The following ZFHX3 variants were observed in gnomAD, a reference collection of about 807,000 sequenced individuals.
ZFHX3 encodes the protein zinc finger homeobox protein 3.
A neutral mutation model predicts 279.1 loss-of-function variants in ZFHX3; 42 were observed. The observed-to-expected ratio is 0.15, with a 90% CI of 0.12 to 0.19. The LOEUF (loss-of-function observed/expected upper bound fraction) is 0.19, where lower values mean the gene tolerates loss of function less well. Among genes scored for constraint, ZFHX3 ranks in the 10% least tolerant of loss-of-function variants. The pLI is 1.00. For missense variants in ZFHX3, 4,981 were observed against 4,754.0 expected, an observed-to-expected ratio of 1.05 and a Z score of -1.40; for synonymous variants, 2,293 against 1,957.8, an observed-to-expected ratio of 1.17 and a Z score of -4.52.
chr16:73,760,984 A>G (rs956483720), intron 1 of ZFHX3, among the ~76,000 whole-genome samples: 6 of 116,084 alleles, frequency 5.2e-5, no homozygotes, highest in African/African-American at 2.1e-4. Context: ...CAGGGCAATC[A>G]GGCAAGAAAA....
intron 1 of ZFHX3, among the ~76,000 whole-genome samples, chr16:73,769,902 A>C (rs1393397445): frequency 2.0e-5 from 3 of 152,214 alleles, no homozygotes; most frequent in African/African-American, 7.2e-5. Context: ...CTACAGCTCC[A>C]AAGGAAAAGA....
At chr16:72,805,635 G>A (rs1294496571) in intron 7 of ZFHX3, among the ~76,000 whole-genome samples, 1 of 152,152 alleles carries the variant, frequency 6.6e-6, no homozygotes, top group African/African-American at 2.4e-5. Flanking sequence ...CTAGCTAGTT[G>A]GTATATCTAA....
intron 1 of ZFHX3, among the ~76,000 whole-genome samples, chr16:73,685,158 T>G (rs2127739): frequency 0.95 from 144,802 of 151,906 alleles, 69,130 homozygotes; most frequent in East Asian, 1. Context: ...GGGACTACAG[T>G]TGCATGCCAC....
intron 2 of ZFHX3, among the ~76,000 whole-genome samples, chr16:73,671,207 G>C (rs952991095): frequency 2.0e-5 from 3 of 152,364 alleles, no homozygotes; most frequent in South Asian, 2.1e-4. Context: ...CAGCACAGCA[G>C]CGTGTTATTG....
intron 1 of ZFHX3, among the ~76,000 whole-genome samples, chr16:73,738,169 T>C (rs144950457): frequency 1.3e-5 from 2 of 152,366 alleles, no homozygotes; most frequent in African/African-American, 4.8e-5. Context: ...GGGGACCTGT[T>C]GGGCAGTTCA....
At chr16:73,213,746 C>G (rs904801178) in intron 5 of ZFHX3, among the ~76,000 whole-genome samples, 1 of 152,118 alleles carries the variant, frequency 6.6e-6, no homozygotes, top group Non-Finnish European at 1.5e-5. Flanking sequence ...TTCTCCTAGT[C>G]TTGAGGTTTT....
At chr16:72,982,978 G>A (rs982040283) in intron 1 of ZFHX3, among the ~76,000 whole-genome samples, 1 of 152,208 alleles carries the variant, frequency 6.6e-6, no homozygotes, top group African/African-American at 2.4e-5. Context: ...GTAACGTAAA[G>A]GGTGATTTGG....
intron 4 of ZFHX3, among the ~76,000 whole-genome samples, chr16:73,278,058 A>G (rs927441978): frequency 6.6e-6 from 1 of 152,196 alleles, no homozygotes; most frequent in Non-Finnish European, 1.5e-5. Flanking sequence ...ACAATTTGAC[A>G]TGAAATTCAG....
At chr16:73,362,942 T>G (rs1194875242) in intron 3 of ZFHX3, among the ~76,000 whole-genome samples, 12 of 152,270 alleles carry the variant, frequency 7.9e-5, no homozygotes, top group Admixed American at 7.8e-4. Context: ...AAAACATTTT[T>G]GGTAAAGGTG....
intron 3 of ZFHX3, among the ~76,000 whole-genome samples, chr16:72,927,904 T>C (rs1015981037): frequency 3.3e-5 from 5 of 151,320 alleles, no homozygotes; most frequent in East Asian, 2.0e-4. Context: ...TGACAATTTA[T>C]AGAGTCAATC....
chr16:73,580,507 AC>A (rs1192459198), intron 2 of ZFHX3, among the ~76,000 whole-genome samples: 2 of 146,736 alleles, frequency 1.4e-5, no homozygotes, highest in African/African-American at 5.4e-5. Context: ...AAACAAACAA[AC>A]AAAAAAAAAA....
rs766237098 is a variant in ZFHX3, at chr16:73,756,037, T to C, written c.-1607-75797A>G. The stretch of plus-strand genomic sequence containing the variant: ...CGGCAACTAAAATTAGATTGGCTTC[T>C]ATTCCAAGCCCAGGGTTCCTCCATG... On this transcript the variant is annotated intron_variant, in intron 1 of 17. Coordinates refer to the ZFHX3 transcript ENST00000641206. Among the ~76,000 whole-genome samples, 61 of 152,206 alleles carry C rather than the reference T, an allele frequency of 4.0e-4. 1 individual carries two copies. The highest frequency in any genetic ancestry group is 5.6e-4 in the Non-Finnish European group (38 of 68,044).
At position 73,539,433 on chromosome 16, in the gene ZFHX3, C is replaced by CTTTTTTTTTTTTTTTTTTTTTTTTTT. The variant is rs1162434013; in HGVS notation, c.-1546-83201_-1546-83176dup. Reference sequence around the variant, plus strand: ...TAAATTTTTTTCCCTTCCTCTTCTTCTTTTTTTTTTTTTTTTTTTTTTTTT... The same window carrying CTTTTTTTTTTTTTTTTTTTTTTTTTT: ...TAAATTTTTTTCCCTTCCTCTTCTTCTTTTTTTTTTTTTTTTTTTTTTTTTTTTTTTTTTTTTTTTTTTTTTTTTTT... On this transcript the variant is annotated intron_variant, in intron 2 of 17. Transcript: ENST00000641206. Among the ~76,000 whole-genome samples the CTTTTTTTTTTTTTTTTTTTTTTTTTT allele has an allele frequency of 3.1e-5, 2 of 65,086 alleles. 1 individual carries two copies. The highest frequency in any genetic ancestry group is 5.8e-5 in the Non-Finnish European group (2 of 34,752). 42.7% of individuals were successfully genotyped at this position (65,086 alleles called of 152,430 possible). A position where few individuals can be genotyped will look rare whatever the true frequency, so the allele number is the denominator to read the frequency against.
intron 3 of ZFHX3, among the ~76,000 whole-genome samples, chr16:72,900,317 C>T (rs1463449612): frequency 6.6e-6 from 1 of 152,110 alleles, no homozygotes; most frequent in South Asian, 2.1e-4. Flanking sequence ...TTCTCCAAAT[C>T]CACTCAAGAA....
intron 1 of ZFHX3, among the ~76,000 whole-genome samples, chr16:73,032,393 T>C (rs1459772066): frequency 6.6e-6 from 1 of 152,154 alleles, no homozygotes; most frequent in African/African-American, 2.4e-5. Flanking sequence ...AAGGCATCCA[T>C]TCCTAACTAC....
rs550372753 is a variant in ZFHX3 at position 73,426,192 on chromosome 16, A to G, written c.-1291+29811T>C. Among the ~76,000 whole-genome samples the G allele has an allele frequency of 2.6e-5, 4 of 152,240 alleles. No homozygotes were observed. The South Asian group carries it at 8.3e-4, about 32-fold the overall frequency. On this transcript the variant is annotated intron_variant, in intron 3 of 17. Transcript: ENST00000641206. ...GACAAATGGGCTCTCTGTGCCTGTG[A>G]CCTGGTGGGGCCAATTAATCACTGG...
Position 72,787,618 on chromosome 16 carries a change from T to C in ZFHX3, c.10658A>G (p.His3553Arg), listed in dbSNP as rs2035462554. Residue 3553 changes from histidine to arginine, a missense_variant, in exon 10 of 10, where the codon CAC (histidine) becomes CGC (arginine). His to Arg is a conservative substitution (Grantham distance 29, BLOSUM62 0). This residue lies in a region of ZFHX3 where 1,034 missense variants were observed against 786.0 expected (regional missense o/e 1.32). Transcript: ENST00000268489. ...ALSQHLESALHKHRTITRAAR... is the reference protein window; with the variant it reads ...ALSQHLESALRKHRTITRAAR... ...TGCTCTCGTGATTGTTCTGTGTTTGTGCAAGGCCGACTCGAGATGTTGACT... is the reference window on the plus strand; with the variant it reads ...TGCTCTCGTGATTGTTCTGTGTTTGCGCAAGGCCGACTCGAGATGTTGACT... The C allele has an allele frequency of 6.2e-7, 1 of 1,613,490 alleles. No individual in the cohort carries two copies. Among genetic ancestry groups the C allele is most frequent in the Non-Finnish European group, 8.5e-7 (1 of 1,179,720 alleles).
chr16:73,552,866 C>T (rs761558418), intron 2 of ZFHX3, among the ~76,000 whole-genome samples: 4 of 152,186 alleles, frequency 2.6e-5, no homozygotes, highest in Non-Finnish European at 5.9e-5. Context: ...CCAGTTAACA[C>T]GCAACCAGTA....
At chr16:73,054,496 GTTA>G (rs1965511082) in intron 1 of ZFHX3, among the ~76,000 whole-genome samples, 1 of 85,572 alleles carries the variant, frequency 1.2e-5, no homozygotes, top group African/African-American at 4.3e-5. Context: ...CATTATTATT[GTTA>G]TTATACTCTC....
Sources: gnomAD v4.1 joint callset for allele counts (sites outside exome capture counted in the v4.1 genomes callset) on GRCh38, gnomAD v4.1.1 for gene constraint, gnomAD v4.1.1 regional missense constraint, MANE v1.5 for transcripts, NCBI Gene and HGNC (gene_info 2026-07-23, HGNC 2026-07-21) for gene names.